The following HRH1 variants were observed in gnomAD, a reference collection of about 807,000 sequenced individuals.
HRH1 encodes the protein histamine receptor H1.
Under a neutral mutation model 10.3 loss-of-function variants are expected in HRH1, and 6 were observed. That is an observed-to-expected ratio of 0.58 (90% confidence interval 0.32 to 1.15). The LOEUF is 1.15. Ranked by LOEUF, HRH1 falls within the 50% of genes most tolerant of loss-of-function variation. HRH1 has a pLI of 0.05. For synonymous variants in HRH1, 242 were observed against 236.7 expected (o/e 1.02, Z -0.21); for missense variants, 514 against 615.3 (o/e 0.84, Z 1.74).
chr3:11,239,230 C>G (rs899425191), intron 1 of HRH1, among the ~76,000 whole-genome samples: 1 of 152,192 alleles, frequency 6.6e-6, no homozygotes, highest in Non-Finnish European at 1.5e-5. Flanking sequence ...TGGTATCTCA[C>G]TGTGGTTTTG....
chr3:11,216,153 TAA>T (rs931166192), intron 1 of HRH1, among the ~76,000 whole-genome samples: 3 of 152,022 alleles, frequency 2.0e-5, no homozygotes, highest in Non-Finnish European at 4.4e-5. Context: ...AAATGAACAT[TAA>T]AAGAGCATAA....
At chr3:11,188,690 C>T (rs962725588) in intron 1 of HRH1, among the ~76,000 whole-genome samples, 3 of 152,108 alleles carry the variant, frequency 2.0e-5, no homozygotes, top group Non-Finnish European at 1.5e-5. Flanking sequence ...TAAATTATGG[C>T]AAATCTGTAT....
chr3:11,156,412 G>C (rs1936798326), intron 1 of HRH1, among the ~76,000 whole-genome samples: 1 of 152,156 alleles, frequency 6.6e-6, no homozygotes, highest in Non-Finnish European at 1.5e-5. Context: ...GTCCAAGGGA[G>C]GAGGGACTTA....
chr3:11,214,539 G>T (rs1938429098), intron 1 of HRH1, among the ~76,000 whole-genome samples: 1 of 152,190 alleles, frequency 6.6e-6, no homozygotes, highest in Non-Finnish European at 1.5e-5. Flanking sequence ...AAACTAAGAA[G>T]GATGATGCGA....
chr3:11,232,737 T>A (rs73814581), intron 1 of HRH1, among the ~76,000 whole-genome samples: 8,044 of 152,334 alleles, frequency 0.053, 283 homozygotes, highest in African/African-American at 0.094. Context: ...TTGACATATT[T>A]ACTCTGTTGA....
chr3:11,190,698 A>T (rs1937519243), intron 1 of HRH1, among the ~76,000 whole-genome samples: 1 of 152,114 alleles, frequency 6.6e-6, no homozygotes, highest in Non-Finnish European at 1.5e-5. Flanking sequence ...CGGCTAAAAA[A>T]AAAAAATTTT....
At chr3:11,177,235 A>G (rs1194764116) in intron 1 of HRH1, among the ~76,000 whole-genome samples, 6 of 151,718 alleles carry the variant, frequency 4.0e-5, no homozygotes, top group Admixed American at 3.9e-4. Flanking sequence ...GTGAGACCCT[A>G]TCTCTAAAAT....
intron 1 of HRH1, among the ~76,000 whole-genome samples, chr3:11,208,514 A>C (rs551437133): frequency 2.0e-4 from 30 of 152,264 alleles, no homozygotes; most frequent in Admixed American, 1.0e-3. Context: ...ACTATCTGTT[A>C]AATCAAAAGT....
intron 1 of HRH1, among the ~76,000 whole-genome samples, chr3:11,175,711 C>T (rs1464625318): frequency 1.3e-5 from 2 of 152,172 alleles, no homozygotes; most frequent in African/African-American, 4.8e-5. Context: ...TGCCTGTAAC[C>T]ACATCTAGAA....
At chr3:11,181,687 A>T (rs1451632452) in intron 1 of HRH1, among the ~76,000 whole-genome samples, 2 of 134,362 alleles carry the variant, frequency 1.5e-5, no homozygotes, top group Non-Finnish European at 3.0e-5. Flanking sequence ...GCTGGAGCGC[A>T]GTGGCGCGAT....
chr3:11,181,296 A>T (rs1023985425), intron 1 of HRH1, among the ~76,000 whole-genome samples: 3 of 152,160 alleles, frequency 2.0e-5, no homozygotes, highest in Non-Finnish European at 4.4e-5. Flanking sequence ...AAAAATAGTA[A>T]TAATAAAATA....
intron 1 of HRH1, among the ~76,000 whole-genome samples, chr3:11,240,887 A>G (rs548457949): frequency 1.1e-3 from 167 of 152,364 alleles, no homozygotes; most frequent in African/African-American, 3.9e-3. Context: ...CTTGACTAGA[A>G]TAACCAGCCT....
At chr3:11,257,428 C>T (rs1939811066) in intron 1 of HRH1, among the ~76,000 whole-genome samples, 3 of 150,946 alleles carry the variant, frequency 2.0e-5, no homozygotes, top group South Asian at 4.2e-4. Context: ...GGTGTGGTGG[C>T]ACACTCCTGT....
intron 1 of HRH1, among the ~76,000 whole-genome samples, chr3:11,227,889 T>C (rs1245513131): frequency 6.6e-6 from 1 of 152,166 alleles, no homozygotes; most frequent in East Asian, 1.9e-4. Flanking sequence ...GGACAGAAAG[T>C]TCTTGGATGA....
intron 1 of HRH1, among the ~76,000 whole-genome samples, chr3:11,230,788 AT>A (rs1939018750): frequency 6.6e-6 from 1 of 152,144 alleles, no homozygotes; most frequent in Admixed American, 6.5e-5. Context: ...CAAGGTATCA[AT>A]ATGAGTTTTT....
At chr3:11,168,016 A>T (rs1937080518) in intron 1 of HRH1, among the ~76,000 whole-genome samples, 1 of 152,140 alleles carries the variant, frequency 6.6e-6, no homozygotes, top group Admixed American at 6.5e-5. Flanking sequence ...TGTAAGGTGA[A>T]ATGCAGTGGT....
At chr3:11,191,804 G>T (rs1937537004) in intron 1 of HRH1, among the ~76,000 whole-genome samples, 1 of 151,920 alleles carries the variant, frequency 6.6e-6, no homozygotes, top group African/African-American at 2.4e-5. Flanking sequence ...TAAGAAATGT[G>T]GGAGCCCCTG....
At chr3:11,242,962 G>A (rs955408226) in intron 1 of HRH1, among the ~76,000 whole-genome samples, 18 of 151,870 alleles carry the variant, frequency 1.2e-4, no homozygotes, top group Non-Finnish European at 2.2e-4. Flanking sequence ...TCACCAGGCT[G>A]GAGTGCAGTG....
At chr3:11,200,463 A>G (rs1352081849) in intron 1 of HRH1, among the ~76,000 whole-genome samples, 2 of 152,132 alleles carry the variant, frequency 1.3e-5, no homozygotes, top group Non-Finnish European at 2.9e-5. Flanking sequence ...AGCCTGGGAC[A>G]TCCTTTGTGC....
Sources: allele counts gnomAD v4.1 joint callset (sites outside exome capture counted in the v4.1 genomes callset), GRCh38; gene constraint gnomAD v4.1.1; transcripts MANE v1.5; gene names NCBI Gene and HGNC (gene_info 2026-07-23, HGNC 2026-07-21).